Variants in RNF13 observed in about 807,000 individuals in gnomAD.
The protein encoded by RNF13 is ring finger protein 13, also known as E3 ubiquitin-protein ligase RNF13.
A neutral mutation model predicts 37.7 loss-of-function variants in RNF13; 19 were observed. That is an observed-to-expected ratio of 0.50 (90% confidence interval 0.35 to 0.74). RNF13 has a LOEUF of 0.74. Among genes scored for constraint, RNF13 ranks in the 30% least tolerant of loss-of-function variants. The pLI is 0.01. For synonymous variants in RNF13, 144 were observed against 157.8 expected (o/e 0.91, Z 0.65); for missense variants, 375 against 453.0 (o/e 0.83, Z 1.56).
At chr3:149,819,769 T>G (rs1351668677) in intron 1 of RNF13, among the ~76,000 whole-genome samples, 2 of 152,240 alleles carry the variant, frequency 1.3e-5, no homozygotes, top group Non-Finnish European at 2.9e-5. Flanking sequence ...TGAAAACTGC[T>G]TAATCTGTTA....
chr3:149,827,519 A>G (rs1039637341), intron 1 of RNF13, among the ~76,000 whole-genome samples: 11 of 152,140 alleles, frequency 7.2e-5, no homozygotes, highest in African/African-American at 2.7e-4. Context: ...GTCTATAAAT[A>G]TTAATATTAA....
chr3:149,853,464 GAGA>G (rs1723327537), intron 3 of RNF13, among the ~76,000 whole-genome samples: 2 of 89,860 alleles, frequency 2.2e-5, no homozygotes, highest in African/African-American at 8.1e-5. Flanking sequence ...GGGAGAGAGA[GAGA>G]GAGAGAGAGA....
At chr3:149,914,310 GT>G (rs922043177) in intron 7 of RNF13, among the ~76,000 whole-genome samples, 1 of 151,564 alleles carries the variant, frequency 6.6e-6, no homozygotes, top group Non-Finnish European at 1.5e-5. Flanking sequence ...AGGGAGTCAT[GT>G]TTTTTTTAAT....
chr3:149,828,169 C>T (rs1720692204), intron 1 of RNF13, among the ~76,000 whole-genome samples: 2 of 152,134 alleles, frequency 1.3e-5, no homozygotes, highest in African/African-American at 2.4e-5. Context: ...CAGTTAGACT[C>T]TAGCACTTAA....
At chr3:149,931,920 ACGAG>A (rs1208111449) in intron 8 of RNF13, among the ~76,000 whole-genome samples, 7 of 152,214 alleles carry the variant, frequency 4.6e-5, no homozygotes, top group African/African-American at 1.7e-4. Context: ...GTTCCCACAT[ACGAG>A]TGAGAACATG....
chr3:149,823,235 T>C (rs1039160573), intron 1 of RNF13, among the ~76,000 whole-genome samples: 2 of 152,170 alleles, frequency 1.3e-5, no homozygotes, highest in Non-Finnish European at 2.9e-5. Flanking sequence ...TCTAAGTTTT[T>C]ATTCCTATAT....
At chr3:149,934,804 A>T (rs563009112) in intron 8 of RNF13, among the ~76,000 whole-genome samples, 4 of 152,084 alleles carry the variant, frequency 2.6e-5, no homozygotes, top group African/African-American at 7.2e-5. Flanking sequence ...TTTTGTAGAG[A>T]TGAGGTTTTA....
chr3:149,943,215 C>A lies in RNF13; in HGVS notation c.701-16841C>A, dbSNP rs537090886. The stretch of plus-strand genomic sequence containing the variant: ...TCATAGAATGAGTTTGGAAGTGTTG[C>A]AGTTCTTTTTTTTTTTTTTTAAGAC... On this transcript the variant is annotated intron_variant, in intron 8 of 9. Coordinates refer to ENST00000392894, the MANE Select transcript of RNF13 (RefSeq NM_183381.3). 3.3e-5 allele frequency among the ~76,000 whole-genome samples: 5 copies of A among 149,512 alleles called. No homozygotes were observed. The South Asian group carries it at 1.1e-3, about 32-fold the overall frequency.
chr3:149,959,695 T>C (rs1231717001), intron 8 of RNF13, among the ~76,000 whole-genome samples: 1 of 152,256 alleles, frequency 6.6e-6, no homozygotes, highest in African/African-American at 2.4e-5. Context: ...TTCTCATGTT[T>C]CCATTTTTAT....
At chr3:149,904,992 C>CCAGT (rs1290710462) in intron 6 of RNF13, among the ~76,000 whole-genome samples, 7 of 152,110 alleles carry the variant, frequency 4.6e-5, no homozygotes, top group African/African-American at 1.7e-4. Flanking sequence ...GTTTAATCAG[C>CCAGT]CAGTCCCCTG....
intron 8 of RNF13, among the ~76,000 whole-genome samples, chr3:149,927,982 G>T (rs2108550927): frequency 7.1e-6 from 1 of 141,282 alleles, no homozygotes; most frequent in East Asian, 2.1e-4. Flanking sequence ...TTTTGCTTAT[G>T]ATATGAAGCA....
intron 8 of RNF13, among the ~76,000 whole-genome samples, chr3:149,931,737 C>A (rs1014849935): frequency 6.6e-6 from 1 of 152,270 alleles, no homozygotes; most frequent in South Asian, 2.1e-4. Flanking sequence ...ATTTGAAATA[C>A]ATAACTTTAT....
chr3:149,869,419 A>C (rs1418500501), intron 3 of RNF13, among the ~76,000 whole-genome samples: 1 of 151,396 alleles, frequency 6.6e-6, no homozygotes, highest in Non-Finnish European at 1.5e-5. Context: ...TCCCGGCTAA[A>C]ACGGTGAAAC....
chr3:149,948,197 C>T (rs1720961392), intron 8 of RNF13, among the ~76,000 whole-genome samples: 2 of 152,152 alleles, frequency 1.3e-5, no homozygotes, highest in African/African-American at 4.8e-5. Flanking sequence ...GATCTGCCCA[C>T]CTCGGCCTCC....
At chr3:149,943,444 T>C (rs1049072570) in intron 8 of RNF13, among the ~76,000 whole-genome samples, 9 of 152,126 alleles carry the variant, frequency 5.9e-5, no homozygotes, top group Non-Finnish European at 1.2e-4. Flanking sequence ...GGTTTACTCT[T>C]GGTGTTGTAT....
chr3:149,907,252 C>G (rs980858342), intron 6 of RNF13, among the ~76,000 whole-genome samples: 1 of 152,114 alleles, frequency 6.6e-6, no homozygotes, highest in Admixed American at 6.6e-5. Context: ...TTTCCCTTAT[C>G]TAATTGCATT....
At chr3:149,954,065 T>C (rs1721614838) in intron 8 of RNF13, among the ~76,000 whole-genome samples, 1 of 152,180 alleles carries the variant, frequency 6.6e-6, no homozygotes, top group Non-Finnish European at 1.5e-5. Context: ...ACAGTAAGTT[T>C]GAGCTAGTTG....
intron 1 of RNF13, among the ~76,000 whole-genome samples, chr3:149,825,829 T>C (rs1180385808): frequency 6.6e-6 from 1 of 152,248 alleles, no homozygotes; most frequent in Non-Finnish European, 1.5e-5. Context: ...GTGTATACTT[T>C]GATAAGTTCT....
chr3:149,907,795 A>G (rs541097057), intron 6 of RNF13, among the ~76,000 whole-genome samples: 21 of 152,240 alleles, frequency 1.4e-4, no homozygotes, highest in Non-Finnish European at 2.6e-4. Flanking sequence ...ATTCTTGTCT[A>G]TTACAGAAAG....
Sources: allele counts gnomAD v4.1 joint callset (sites outside exome capture counted in the v4.1 genomes callset), GRCh38; gene constraint gnomAD v4.1.1; transcripts MANE v1.5; gene names NCBI Gene and HGNC (gene_info 2026-07-23, HGNC 2026-07-21).